Variants in MPZL1 observed in about 807,000 individuals in gnomAD.
MPZL1 encodes the protein myelin protein zero like 1.
MPZL1 carries 16 observed loss-of-function variants against 29.3 expected under a neutral mutation model. That is an observed-to-expected ratio of 0.55 (90% CI 0.37 to 0.83). MPZL1 has a LOEUF of 0.83. MPZL1 is among the 40% of genes least tolerant of loss of function. The pLI is 0.00. For synonymous variants in MPZL1, 143 were observed against 132.0 expected, an observed-to-expected ratio of 1.08 and a Z score of -0.57; for missense variants, 279 against 332.9, an observed-to-expected ratio of 0.84 and a Z score of 1.26.
At chr1:167,756,113 C>G (rs1660863370) in intron 1 of MPZL1, among the ~76,000 whole-genome samples, 1 of 152,032 alleles carries the variant, frequency 6.6e-6, no homozygotes, top group African/African-American at 2.4e-5. Context: ...AAGGAATTGA[C>G]TCCGAGAGGG....
intron 5 of MPZL1, among the ~76,000 whole-genome samples, chr1:167,781,923 A>G (rs1661505154): frequency 6.6e-6 from 1 of 152,128 alleles, no homozygotes; most frequent in Non-Finnish European, 1.5e-5. Context: ...AATAAATTCT[A>G]AAAAATTTCT....
At chr1:167,772,596 C>T (rs1302387938) in intron 3 of MPZL1, 108 bp downstream of exon 3, 6 of 1,018,532 alleles carry the variant, frequency 5.9e-6, no homozygotes, top group Non-Finnish European at 8.6e-6. Context: ...GGATTTTTGC[C>T]ATACAGTTGT....
chr1:167,769,074 G>A (rs1419569311), intron 2 of MPZL1, among the ~76,000 whole-genome samples: 1 of 152,114 alleles, frequency 6.6e-6, no homozygotes, highest in Non-Finnish European at 1.5e-5. Flanking sequence ...TCTAAAACCT[G>A]TGACTTTGGG....
intron 1 of MPZL1, among the ~76,000 whole-genome samples, chr1:167,724,595 G>A (rs1357468559): frequency 6.6e-6 from 1 of 152,212 alleles, no homozygotes; most frequent in Non-Finnish European, 1.5e-5. Flanking sequence ...ATGATCATAG[G>A]TTTTGGGCTT....
intron 1 of MPZL1, among the ~76,000 whole-genome samples, chr1:167,739,220 G>A (rs886896839): frequency 2.0e-5 from 3 of 147,232 alleles, no homozygotes; most frequent in Non-Finnish European, 4.5e-5. Context: ...TGGGATTATA[G>A]GTGTGAACCA....
At chr1:167,775,576 G>T (rs1469750124) in intron 4 of MPZL1, among the ~76,000 whole-genome samples, 1 of 152,154 alleles carries the variant, frequency 6.6e-6, no homozygotes, top group Admixed American at 6.5e-5. Context: ...GAGAGAACAA[G>T]ATAAGCCAAG....
Position 167,739,260 on chromosome 1 carries a change from C to G in MPZL1, c.91+17018C>G, listed in dbSNP as rs12089493. On this transcript the variant is annotated intron_variant, in intron 1 of 5. Coordinates refer to ENST00000359523, the MANE Select transcript of MPZL1 (RefSeq NM_003953.6). ...ACCCAGCCAAAGGGACTAATACATACACATACATATATACATATATACATA... is the reference window on the plus strand; with the variant it reads ...ACCCAGCCAAAGGGACTAATACATAGACATACATATATACATATATACATA... 2.5e-5 allele frequency among the ~76,000 whole-genome samples: 3 copies of G among 122,252 alleles called. No homozygotes were observed. In the Admixed American group the frequency reaches 2.5e-4, roughly 10 times the overall value. 80.2% of individuals were successfully genotyped at this position (122,252 alleles called of 152,430 possible).
chr1:167,741,554 AC>A (rs1267920271), intron 1 of MPZL1, among the ~76,000 whole-genome samples: 1 of 147,328 alleles, frequency 6.8e-6, no homozygotes, highest in African/African-American at 2.5e-5. Flanking sequence ...TGAATTCCTG[AC>A]CTCAAGTGAT....
rs2101789577 is a variant in MPZL1 at position 167,772,319 on chromosome 1, A to G, written c.303A>G (p.Pro101=). 3 of 1,613,810 alleles carry G rather than the reference A, an allele frequency of 1.9e-6. No homozygotes were observed. The highest frequency in any genetic ancestry group is 2.5e-6 in the Non-Finnish European group (3 of 1,179,822). Residue 101 remains proline, a synonymous_variant, in exon 3 of 6, where the codon CCA becomes CCG. Coordinates refer to ENST00000359523, the MANE Select transcript of MPZL1 (RefSeq NM_003953.6). ...GGCAAGTGTACCTTGGGAATTATCC[A>G]CCATTTAAAGACAGAATCAGCTGGG... ...SQGQVYLGNY[P]PFKDRISWAG...
At chr1:167,777,218 T>C (rs1260520204) in intron 5 of MPZL1, among the ~76,000 whole-genome samples, 1 of 152,208 alleles carries the variant, frequency 6.6e-6, no homozygotes, top group Non-Finnish European at 1.5e-5. Context: ...GAAAGTTACA[T>C]ACACATAGGC....
chr1:167,771,417 C>A (rs894841349), intron 2 of MPZL1, among the ~76,000 whole-genome samples: 6 of 152,172 alleles, frequency 3.9e-5, no homozygotes, highest in African/African-American at 1.4e-4. Flanking sequence ...CAGTAACAAT[C>A]TGATCTCTCT....
At chr1:167,747,284 G>A (rs557782505) in intron 1 of MPZL1, among the ~76,000 whole-genome samples, 20 of 152,226 alleles carry the variant, frequency 1.3e-4, no homozygotes, top group African/African-American at 4.8e-4. Flanking sequence ...GCAGTGGTGC[G>A]ATCTCAGCTC....
chr1:167,769,762 G>A (rs753437306), intron 2 of MPZL1, among the ~76,000 whole-genome samples: 1 of 152,148 alleles, frequency 6.6e-6, no homozygotes, highest in Non-Finnish European at 1.5e-5. Context: ...CTTTATCAGT[G>A]ATCATTTAGG....
In MPZL1 at chr1:167,772,418, C is replaced by CT; in HGVS notation, c.403dup (p.Cys135LeufsTer2). Reference sequence around the variant, plus strand: ...AGTTTATACACAATGGCACCTATATCTGTGATGTCAAAAACCCTCCTGACA... The same window carrying CT: ...AGTTTATACACAATGGCACCTATATCTTGTGATGTCAAAAACCCTCCTGACA... On this transcript the variant is annotated frameshift_variant, in exon 3 of 6. Transcript: ENST00000359523. LOFTEE classifies it high-confidence loss of function. The CT allele has an allele frequency of 6.2e-7, 1 of 1,614,132 alleles. No homozygotes were observed.
chr1:167,738,063 C>T (rs1271033100), intron 1 of MPZL1, among the ~76,000 whole-genome samples: 1 of 152,058 alleles, frequency 6.6e-6, no homozygotes, highest in Admixed American at 6.5e-5. Flanking sequence ...GTTGCTGGGA[C>T]TACAGGCGCC....
chr1:167,787,818 A>G lies in MPZL1; in HGVS notation c.709-2A>G, dbSNP rs1278471832. The G allele has an allele frequency of 1.9e-6, 3 of 1,569,422 alleles. No individual in the cohort carries two copies. The highest frequency in any genetic ancestry group is 1.7e-5 in the Admixed American group (1 of 59,906). On this transcript the variant is annotated splice_acceptor_variant, in intron 5 of 5. Transcript: ENST00000359523. LOFTEE classifies it high-confidence loss of function. ...TCTAATCCTTCTGCTTCCCTTTTCCAGGGCCCAGTCATATATGCACAGTTA... is the reference window on the plus strand; with the variant it reads ...TCTAATCCTTCTGCTTCCCTTTTCCGGGGCCCAGTCATATATGCACAGTTA...
At chr1:167,730,462 A>G (rs1157842106) in intron 1 of MPZL1, among the ~76,000 whole-genome samples, 1 of 152,040 alleles carries the variant, frequency 6.6e-6, no homozygotes, top group Non-Finnish European at 1.5e-5. Context: ...TGTTTTTAGT[A>G]GAGACAGGGT....
intron 1 of MPZL1, among the ~76,000 whole-genome samples, chr1:167,751,670 CA>C (rs397970508): frequency 3.5e-3 from 249 of 72,144 alleles, no homozygotes; most frequent in South Asian, 0.022. Context: ...GACTCCATCT[CA>C]AAAAAAAAAA....
At chr1:167,722,803 G>A (rs551053870) in intron 1 of MPZL1, among the ~76,000 whole-genome samples, 2 of 152,216 alleles carry the variant, frequency 1.3e-5, no homozygotes, top group African/African-American at 4.8e-5. Context: ...CATTTCCGTG[G>A]TCTGCAAAAC....
Sources: gnomAD v4.1 joint callset for allele counts (sites outside exome capture counted in the v4.1 genomes callset) on GRCh38, gnomAD v4.1.1 for gene constraint, MANE v1.5 for transcripts, NCBI Gene and HGNC (gene_info 2026-07-23, HGNC 2026-07-21) for gene names.